The following MPHOSPH9 variants were observed in gnomAD, a reference collection of about 807,000 sequenced individuals.
MPHOSPH9 encodes M-phase phosphoprotein 9.
A neutral mutation model predicts 145.5 loss-of-function variants in MPHOSPH9; 88 were observed. The observed-to-expected ratio is 0.60, with a 90% CI of 0.51 to 0.72. MPHOSPH9 has a LOEUF of 0.72. MPHOSPH9 is among the 30% of genes least tolerant of loss of function. The pLI, the probability that MPHOSPH9 is intolerant of heterozygous loss-of-function variation, is 0.00. For synonymous variants in MPHOSPH9, 435 were observed against 486.2 expected (o/e 0.89, Z 1.39); for missense variants, 1,238 against 1,386.6 (o/e 0.89, Z 1.70).
chr12:123,217,114 T>C lies in MPHOSPH9; in HGVS notation c.996+1262A>G, dbSNP rs182020391. On this transcript the variant is annotated intron_variant, in intron 6 of 23. Transcript: ENST00000606320. ...AATATCTATAATCTTTTAATTAAAG[T>C]AGCTGCTAGCTTAGCAAAAGGGCCA... is the stretch of plus-strand genomic sequence containing the variant. 1.0e-3 allele frequency among the ~76,000 whole-genome samples: 154 copies of C among 152,292 alleles called. 1 individual carries two copies. Among genetic ancestry groups the C allele is most frequent in the African/African-American group, 3.4e-3 (142 of 41,572 alleles).
intron 3 of MPHOSPH9, among the ~76,000 whole-genome samples, chr12:123,225,953 T>C (rs1315329558): frequency 6.6e-6 from 1 of 152,130 alleles, no homozygotes; most frequent in Non-Finnish European, 1.5e-5. Flanking sequence ...GGAGAATCAC[T>C]TGAACCTGGG....
At chr12:123,222,339 A>C (rs1171936741) in intron 4 of MPHOSPH9, among the ~76,000 whole-genome samples, 28 of 150,364 alleles carry the variant, frequency 1.9e-4, no homozygotes, top group Non-Finnish European at 4.4e-5. Flanking sequence ...AAAAAAAAAA[A>C]AATTGATATA....
chr12:123,221,857 C>A lies in MPHOSPH9; in HGVS notation c.387G>T (p.Gln129His), dbSNP rs747882581. 1.3e-5 allele frequency: 21 copies of A among 1,596,088 alleles called. No homozygotes were observed. The highest frequency in any genetic ancestry group is 1.8e-5 in the Non-Finnish European group (21 of 1,173,776). ...QEEIKNLVKL[Q>H]TSSASLASCE... is the part of the protein sequence containing the mutation. ...AGGAAGCTAAGGAAGCACTACTAGT[C>A]TGTAATTTGACTAAATTTTTTATCT... The change falls in exon 5 of 24, where the codon CAG becomes CAT. Residue 129 changes from glutamine to histidine, a missense_variant. By Grantham distance (24) the Gln-to-His change is conservative (BLOSUM62 0). Around this residue, in one of 3 missense-constraint regions of MPHOSPH9, gnomAD observed 837 missense variants for 897.5 expected, o/e 0.93. Transcript: ENST00000606320.
chr12:123,157,747 A>G (rs1017668856), intron 23 of MPHOSPH9, among the ~76,000 whole-genome samples: 1 of 152,070 alleles, frequency 6.6e-6, no homozygotes, highest in African/African-American at 2.4e-5. Flanking sequence ...TCGGCCTCCC[A>G]AAGTGCTGGG....
Position 123,162,231 on chromosome 12 carries a change from G to C in MPHOSPH9, c.3030-13C>G. ...AAGTATATCAAATCTATTGAATGAA[G>C]CAAGTTACTTGTGAGAAAAAAAATG... On this transcript the variant is annotated splice_polypyrimidine_tract_variant and intron_variant, in intron 20 of 23. Coordinates refer to ENST00000606320, the MANE Select transcript of MPHOSPH9 (RefSeq NM_022782.4). 1.4e-6 allele frequency: 2 copies of C among 1,400,760 alleles called. No homozygotes were observed. The highest frequency in any genetic ancestry group is 1.9e-6 in the Non-Finnish European group (2 of 1,040,486). 86.8% of individuals were successfully genotyped at this position (1,400,760 alleles called of 1,614,324 possible). A position where few individuals can be genotyped will look rare whatever the true frequency, so the allele number is the denominator to read the frequency against.
intron 16 of MPHOSPH9, among the ~76,000 whole-genome samples, chr12:123,172,600 T>C (rs1309607564): frequency 6.6e-6 from 1 of 152,202 alleles, no homozygotes; most frequent in Non-Finnish European, 1.5e-5. Context: ...CCCAAAGTGC[T>C]GGGATTACAG....
chr12:123,171,619 G>A (rs994964363), intron 16 of MPHOSPH9, among the ~76,000 whole-genome samples: 2 of 151,024 alleles, frequency 1.3e-5, no homozygotes, highest in Non-Finnish European at 2.9e-5. Flanking sequence ...CATGGTAGTG[G>A]GCACCTGTAA....
In MPHOSPH9 at chr12:123,160,873, G is replaced by A. The variant is rs1307825294; in HGVS notation, c.3382-24C>T. 3 of 1,609,312 alleles carry A rather than the reference G, an allele frequency of 1.9e-6. No individual in the cohort carries two copies. The East Asian group carries it at 6.7e-5, about 36-fold the overall frequency. ...ATCTGTTAACACACGAAAAAAATATGTTTAAATTACTGGCAGGGAGGTTTA... is the reference window on the plus strand; with the variant it reads ...ATCTGTTAACACACGAAAAAAATATATTTAAATTACTGGCAGGGAGGTTTA... On this transcript the variant is annotated intron_variant, in intron 22 of 23. Transcript: ENST00000606320.
At chr12:123,210,761 C>T (rs1261360955) in intron 7 of MPHOSPH9, among the ~76,000 whole-genome samples, 1 of 151,778 alleles carries the variant, frequency 6.6e-6, no homozygotes, top group Non-Finnish European at 1.5e-5. Context: ...CTCACTTTGT[C>T]ACCCAGGAGT....
intron 13 of MPHOSPH9, among the ~76,000 whole-genome samples, chr12:123,193,218 G>A (rs1398805607): frequency 2.0e-5 from 3 of 151,092 alleles, no homozygotes; most frequent in African/African-American, 7.3e-5. Flanking sequence ...GCCACACTGT[G>A]ACCCTGCATG....
intron 21 of MPHOSPH9, 151 bp from the exon 22 acceptor site, chr12:123,161,534 T>C: frequency 2.4e-6 from 2 of 819,468 alleles, no homozygotes; most frequent in Non-Finnish European, 3.8e-6. Context: ...ATCAATCTTA[T>C]TTACTCAGTG....
At chr12:123,208,701 G>A (rs2046558638) in intron 8 of MPHOSPH9, among the ~76,000 whole-genome samples, 1 of 152,152 alleles carries the variant, frequency 6.6e-6, no homozygotes, top group South Asian at 2.1e-4. Context: ...ATATGAAATA[G>A]TAGGCACAAT....
At chr12:123,223,464 GTC>G (rs753641182) in intron 3 of MPHOSPH9, among the ~76,000 whole-genome samples, 2 of 152,192 alleles carry the variant, frequency 1.3e-5, no homozygotes, top group Non-Finnish European at 2.9e-5. Context: ...GCTCTGCACT[GTC>G]TGTCTCCTAC....
chr12:123,223,886 G>T (rs912153039), intron 3 of MPHOSPH9, among the ~76,000 whole-genome samples: 1 of 151,892 alleles, frequency 6.6e-6, no homozygotes, highest in African/African-American at 2.4e-5. Context: ...TATAAAATGG[G>T]AATAATAATA....
intron 17 of MPHOSPH9, 182 bp downstream of exon 17, chr12:123,166,473 G>A (rs2044325386): frequency 2.8e-6 from 2 of 716,050 alleles, no homozygotes; most frequent in South Asian, 1.8e-5. Context: ...GGGAAGCTTG[G>A]CAGAGCTCAT....
chr12:123,217,419 G>C (rs190955777), intron 6 of MPHOSPH9, among the ~76,000 whole-genome samples: 1 of 151,868 alleles, frequency 6.6e-6, no homozygotes, highest in African/African-American at 2.4e-5. Flanking sequence ...GGATGGTCTC[G>C]ATCTCTTGAC....
At chr12:123,163,483 T>G in intron 19 of MPHOSPH9, 1 of 217,920 alleles carries the variant, frequency 4.6e-6, no homozygotes, top group Non-Finnish European at 8.9e-6. Context: ...AAAACGGAAA[T>G]TCAGGACAGG....
chr12:123,208,178 G>A (rs2046527251), intron 8 of MPHOSPH9, among the ~76,000 whole-genome samples: 2 of 118,724 alleles, frequency 1.7e-5, no homozygotes, highest in African/African-American at 6.7e-5. Context: ...GACAGACTGA[G>A]ACTCCGTCTC....
intron 6 of MPHOSPH9, among the ~76,000 whole-genome samples, chr12:123,217,802 G>T (rs2047029611): frequency 6.6e-6 from 1 of 152,070 alleles, no homozygotes; most frequent in Non-Finnish European, 1.5e-5. Flanking sequence ...CCTGCACTTT[G>T]GGAGGCCAAG....
Sources: gnomAD v4.1 joint callset for allele counts (sites outside exome capture counted in the v4.1 genomes callset) on GRCh38, gnomAD v4.1.1 for gene constraint, gnomAD v4.1.1 regional missense constraint, MANE v1.5 for transcripts, NCBI Gene and HGNC (gene_info 2026-07-23, HGNC 2026-07-21) for gene names.